LINGO2: variants seen among roughly 807,000 people sequenced by gnomAD.
LINGO2 encodes leucine rich repeat and Ig domain containing 2.
LINGO2 carries 14 observed loss-of-function variants against 30.6 expected under a neutral mutation model. That is an observed-to-expected ratio of 0.46 (90% CI 0.30 to 0.72). The LOEUF (loss-of-function observed/expected upper bound fraction) is 0.72, where lower values mean the gene tolerates loss of function less well. Among genes scored for constraint, LINGO2 ranks in the 30% least tolerant of loss-of-function variants. LINGO2 has a pLI of 0.07. For missense variants in LINGO2, 729 were observed against 751.7 expected (o/e 0.97, Z 0.35); for synonymous variants, 317 against 288.5 (o/e 1.10, Z -1.00).
chr9:28,450,711 T>C (rs530664011), intron 2 of LINGO2, among the ~76,000 whole-genome samples: 13 of 152,152 alleles, frequency 8.5e-5, no homozygotes, highest in African/African-American at 3.1e-4. Flanking sequence ...GTCAATACAG[T>C]AGAGTGTTCC....
intron 2 of LINGO2, among the ~76,000 whole-genome samples, chr9:28,412,790 C>T (rs1384074888): frequency 6.6e-6 from 1 of 151,856 alleles, no homozygotes; most frequent in Non-Finnish European, 1.5e-5. Flanking sequence ...AATTTTAACT[C>T]ACCTTAAATG....
At chr9:28,063,302 C>A (rs1587796756) in intron 4 of LINGO2, among the ~76,000 whole-genome samples, 2 of 152,060 alleles carry the variant, frequency 1.3e-5, no homozygotes, top group African/African-American at 4.8e-5. Context: ...TTTTCTGAAA[C>A]AATATTAATT....
the LINGO2 span, among the ~76,000 whole-genome samples, chr9:28,748,103 AT>A: frequency 3.3e-5 from 5 of 151,942 alleles, no homozygotes; most frequent in African/African-American, 1.2e-4. Context: ...GTCTATGGTG[AT>A]TTCTTTCCAC....
In LINGO2 at chr9:28,195,520, T is replaced by C. The variant is rs184179930; in HGVS notation, c.-87+99688A>G. Among the ~76,000 whole-genome samples, 99 of 144,422 alleles carry C rather than the reference T, an allele frequency of 6.9e-4. 1 individual carries two copies. Among genetic ancestry groups the C allele is most frequent in the Admixed American group, 1.8e-3 (27 of 14,616 alleles). The allele number at this position is 144,422 out of a possible 152,430, so 94.7% of individuals were successfully genotyped here. On this transcript the variant is annotated intron_variant, in intron 4 of 5. Coordinates refer to ENST00000379992, the Ensembl canonical transcript of LINGO2. ...CTGATAAACAAGAATTTGGTAAAAA[T>C]AAATATCATAATTATAATAATAATT... is the stretch of plus-strand genomic sequence containing the variant.
the LINGO2 span, among the ~76,000 whole-genome samples, chr9:29,200,419 G>A: frequency 5.9e-5 from 9 of 152,004 alleles, no homozygotes; most frequent in Non-Finnish European, 5.9e-5. Flanking sequence ...CTTTTTCAGT[G>A]ATACAGAAAG....
At chr9:28,998,904 A>ACGT in the LINGO2 span, among the ~76,000 whole-genome samples, 1 of 151,694 alleles carries the variant, frequency 6.6e-6, no homozygotes, top group Admixed American at 6.6e-5. Context: ...TGAAGTTAAA[A>ACGT]TTTTCTTCCG....
chr9:28,641,672 G>A (rs780677439), intron 1 of LINGO2, among the ~76,000 whole-genome samples: 1 of 151,982 alleles, frequency 6.6e-6, no homozygotes, highest in Non-Finnish European at 1.5e-5. Flanking sequence ...AGTTATTATC[G>A]GAAATTTAAA....
the LINGO2 span, among the ~76,000 whole-genome samples, chr9:29,195,962 T>C: frequency 6.6e-6 from 1 of 152,230 alleles, no homozygotes; most frequent in Non-Finnish European, 1.5e-5. Context: ...TCAACCATCT[T>C]TGGAGAAACC....
chr9:28,631,382 C>T (rs1826931868), intron 1 of LINGO2, among the ~76,000 whole-genome samples: 1 of 142,888 alleles, frequency 7.0e-6, no homozygotes, highest in Admixed American at 7.6e-5. Flanking sequence ...GGTTTTAGGT[C>T]TAACATTTAA....
the LINGO2 span, among the ~76,000 whole-genome samples, chr9:28,924,499 G>C: frequency 6.6e-6 from 1 of 152,138 alleles, no homozygotes; most frequent in Non-Finnish European, 1.5e-5. Context: ...GGGATTACAA[G>C]CATGAGCCAC....
the LINGO2 span, among the ~76,000 whole-genome samples, chr9:28,892,566 C>A: frequency 1.3e-5 from 2 of 151,802 alleles, no homozygotes; most frequent in African/African-American, 2.4e-5. Flanking sequence ...TCAAAAGCAA[C>A]TTAACATGTA....
chr9:28,043,974 T>C (rs1323212884), intron 4 of LINGO2, among the ~76,000 whole-genome samples: 9 of 152,210 alleles, frequency 5.9e-5, no homozygotes, highest in Non-Finnish European at 1.3e-4. Context: ...GTTAGTACTA[T>C]TTTTAATCTA....
the LINGO2 span, among the ~76,000 whole-genome samples, chr9:29,055,506 T>C: frequency 6.6e-6 from 1 of 152,216 alleles, no homozygotes; most frequent in African/African-American, 2.4e-5. Context: ...AATGCTGTAA[T>C]CAACATGAAA....
chr9:28,162,188 G>GA (rs1402998859), intron 4 of LINGO2, among the ~76,000 whole-genome samples: 9 of 152,012 alleles, frequency 5.9e-5, no homozygotes, highest in Admixed American at 2.0e-4. Flanking sequence ...GCAGACAAAC[G>GA]AAAGACTCAG....
At chr9:28,179,090 A>G (rs1828827287) in intron 4 of LINGO2, among the ~76,000 whole-genome samples, 1 of 151,844 alleles carries the variant, frequency 6.6e-6, no homozygotes, top group African/African-American at 2.4e-5. Context: ...AACTTTTTTT[A>G]ATACATGGAA....
chr9:28,234,228 C>T (rs1821475604), intron 4 of LINGO2, among the ~76,000 whole-genome samples: 1 of 152,108 alleles, frequency 6.6e-6, no homozygotes, highest in South Asian at 2.1e-4. Flanking sequence ...GAGTTCCAGG[C>T]CTGGCAGCAT....
chr9:29,109,598 A>G, the LINGO2 span, among the ~76,000 whole-genome samples: 4 of 152,182 alleles, frequency 2.6e-5, no homozygotes, highest in Admixed American at 6.5e-5. Flanking sequence ...AAACAATTCA[A>G]TATTCTGACT....
chr9:29,012,527 A>C, the LINGO2 span, among the ~76,000 whole-genome samples: 1 of 152,130 alleles, frequency 6.6e-6, no homozygotes, highest in Non-Finnish European at 1.5e-5. Context: ...TGGTTCTATC[A>C]GTCTTTTTCA....
chr9:28,099,177 T>C (rs1826336092), intron 4 of LINGO2, among the ~76,000 whole-genome samples: 1 of 152,162 alleles, frequency 6.6e-6, no homozygotes, highest in Non-Finnish European at 1.5e-5. Flanking sequence ...GATTTTTTTT[T>C]GGTATCTTTC....
Sources: allele counts gnomAD v4.1 joint callset (sites outside exome capture counted in the v4.1 genomes callset), GRCh38; gene constraint gnomAD v4.1.1; transcripts MANE v1.5; gene names NCBI Gene and HGNC (gene_info 2026-07-23, HGNC 2026-07-21).